AKT2: variants seen among roughly 807,000 people sequenced by gnomAD.
AKT2 encodes AKT serine/threonine kinase 2, also known as RAC-beta serine/threonine-protein kinase.
A neutral mutation model predicts 58.6 loss-of-function variants in AKT2; 16 were observed. The observed-to-expected ratio is 0.27, with a 90% confidence interval of 0.18 to 0.41. The LOEUF is 0.41. Ranked by LOEUF, AKT2 falls within the 10% of genes least tolerant of loss-of-function variation. The probability of loss-of-function intolerance (pLI) is 1.00; values close to 1 mark genes in which losing one functional copy is unlikely to be tolerated. For missense variants in AKT2, 438 were observed against 661.0 expected, an observed-to-expected ratio of 0.66 and a Z score of 3.70; for synonymous variants, 253 against 254.0, an observed-to-expected ratio of 1.00 and a Z score of 0.04.
chr19:40,274,676 G>A (rs2077276618), intron 1 of AKT2: 1 of 251,472 alleles, frequency 4.0e-6, no homozygotes, highest in African/African-American at 2.2e-5. Flanking sequence ...ACCGGAAGCA[G>A]GTGAGAGAGC....
At chr19:40,240,416 C>T (rs1974322720) in intron 6 of AKT2, 5 of 583,882 alleles carry the variant, frequency 8.6e-6, no homozygotes, top group Non-Finnish European at 1.6e-5. Flanking sequence ...TCACGAGAGC[C>T]CCGAGGTGCC....
At chr19:40,263,063 C>G (rs1467660894) in intron 2 of AKT2, among the ~76,000 whole-genome samples, 2 of 152,226 alleles carry the variant, frequency 1.3e-5, no homozygotes, top group Non-Finnish European at 2.9e-5. Context: ...AGAGGCAGGC[C>G]TGTGGCTGGG....
At chr19:40,277,987 C>A (rs968002217) in intron 1 of AKT2, among the ~76,000 whole-genome samples, 6 of 152,188 alleles carry the variant, frequency 3.9e-5, no homozygotes, top group Admixed American at 3.9e-4. Flanking sequence ...ATCTCTTCCC[C>A]CTGGGCCCCC....
At chr19:40,258,254 A>C (rs936699661) in intron 2 of AKT2, among the ~76,000 whole-genome samples, 6 of 151,028 alleles carry the variant, frequency 4.0e-5, no homozygotes, top group Admixed American at 1.3e-4. Flanking sequence ...CGAAAAAAAA[A>C]AAAAAAAAAC....
chr19:40,245,148 T>C (rs2145223540), intron 4 of AKT2, among the ~76,000 whole-genome samples: 1 of 152,284 alleles, frequency 6.6e-6, no homozygotes, highest in South Asian at 2.1e-4. Flanking sequence ...AGAATGCCTG[T>C]GAGGCATCTG....
chr19:40,242,125 G>A lies in AKT2; in HGVS notation c.442-56C>T, dbSNP rs946738100. ...AGCGCCTGGCTCATGGCCCGTGGGA[G>A]GAAATTTTAACAAAAGAAAGAGGAA... On this transcript the variant is annotated intron_variant, in intron 5 of 13. Coordinates refer to ENST00000392038, the MANE Select transcript of AKT2 (RefSeq NM_001626.6). The surrounding 1 kb of genome is among the most constrained non-coding windows in gnomAD (Gnocchi z 4.3). The A allele has an allele frequency of 3.1e-6, 5 of 1,611,268 alleles. No individual in the cohort carries two copies. The African/African-American group carries it at 4.0e-5, about 13-fold the overall frequency.
Position 40,235,516 on chromosome 19 carries a change from G to T in AKT2, c.1176-166C>A, listed in dbSNP as rs758956690. On this transcript the variant is annotated intron_variant, in intron 11 of 13. Coordinates refer to ENST00000392038, the MANE Select transcript of AKT2 (RefSeq NM_001626.6). This position sits in a 1 kb window ranked among gnomAD's most constrained non-coding sequence, Gnocchi z 6.3. ...CTCAGGGAGGGAGCTCACGTGCCCA[G>T]GGTCAGAGCCAGGGAGTCAGCAACC... is the stretch of plus-strand genomic sequence containing the variant. 2.7e-6 allele frequency: 2 copies of T among 729,270 alleles called. No homozygotes were observed. Among genetic ancestry groups the T allele is most frequent in the South Asian group, 3.1e-5 (2 of 63,846 alleles). The allele number at this position is 729,270 out of a possible 1,614,324, so 45.2% of individuals were successfully genotyped here.
At chr19:40,250,325 G>A (rs1406151912) in intron 4 of AKT2, among the ~76,000 whole-genome samples, 1 of 151,682 alleles carries the variant, frequency 6.6e-6, no homozygotes, top group Non-Finnish European at 1.5e-5. Flanking sequence ...CAACATGAGA[G>A]AAACCCCATC....
intron 4 of AKT2, among the ~76,000 whole-genome samples, chr19:40,248,211 G>C (rs1416615140): frequency 6.6e-6 from 1 of 152,200 alleles, no homozygotes; most frequent in East Asian, 1.9e-4. Flanking sequence ...TGAGGCACTA[G>C]AGGGTCCTAT....
chr19:40,276,910 C>T (rs2145421737), intron 1 of AKT2, among the ~76,000 whole-genome samples: 1 of 152,218 alleles, frequency 6.6e-6, no homozygotes, highest in South Asian at 2.1e-4. Flanking sequence ...GTAGTCCCAG[C>T]TACTCAGAAG....
Position 40,285,283 on chromosome 19 carries a change from CG to C in AKT2, c.-188del. The C allele has an allele frequency of 2.5e-6, 1 of 395,120 alleles. No homozygotes were observed. Among genetic ancestry groups the C allele is most frequent in the South Asian group, 1.3e-4 (1 of 7,832 alleles). 24.5% of individuals were successfully genotyped at this position (395,120 alleles called of 1,614,324 possible). A position where few individuals can be genotyped will look rare whatever the true frequency, so the allele number is the denominator to read the frequency against. ...TTGTGTTTCCCGGCAGCGGCAACGGCGCCGGCAGCGGCAGCGGCGGCGGCGA... is the reference window on the plus strand; with the variant it reads ...TTGTGTTTCCCGGCAGCGGCAACGGCCCGGCAGCGGCAGCGGCGGCGGCGA... On this transcript the variant is annotated 5_prime_UTR_variant, in exon 1 of 14. Coordinates refer to ENST00000392038, the MANE Select transcript of AKT2 (RefSeq NM_001626.6).
At position 40,233,567 on chromosome 19, in the gene AKT2, C is replaced by T. The variant is rs779055975; in HGVS notation, c.*305G>A. On this transcript the variant is annotated 3_prime_UTR_variant, in exon 14 of 14. Transcript: ENST00000392038. The surrounding 1 kb of genome is among the most constrained non-coding windows in gnomAD (Gnocchi z 4.3). ...ACTCAGGCAGGCCCCAGGCGCCATG[C>T]TTCACCCCTCACTGGGGCTTGTGTG... 1 of 683,334 alleles carries T rather than the reference C, an allele frequency of 1.5e-6. No individual in the cohort carries two copies. Among genetic ancestry groups the T allele is most frequent in the South Asian group, 1.4e-5 (1 of 72,990 alleles). 42.3% of individuals were successfully genotyped at this position (683,334 alleles called of 1,614,324 possible).
At position 40,233,891 on chromosome 19, in the gene AKT2, G is replaced by A. The variant is rs766596535; in HGVS notation, c.1427C>T (p.Ser476Leu). ...GACTGCTCACTCGCGGATGCTGGCCGAGTAGGAGAACTGGGGGAAGTGGGT... is the reference window on the plus strand; with the variant it reads ...GACTGCTCACTCGCGGATGCTGGCCAAGTAGGAGAACTGGGGGAAGTGGGT... The part of the protein sequence containing the change: ...QRTHFPQFSY[S>L]ASIRE The change falls in exon 14 of 14, where the codon TCG (serine) becomes TTG (leucine). Residue 476 changes from serine (S) to leucine (L), a missense_variant. Coordinates refer to ENST00000392038, the MANE Select transcript of AKT2 (RefSeq NM_001626.6). This position sits in a 1 kb window ranked among gnomAD's most constrained non-coding sequence, Gnocchi z 4.3. 7 of 1,611,910 alleles carry A rather than the reference G, an allele frequency of 4.3e-6. No individual in the cohort carries two copies. The highest frequency in any genetic ancestry group is 1.7e-5 in the Admixed American group (1 of 60,010).
chr19:40,239,507 T>C (rs774122709), intron 7 of AKT2: 8 of 303,642 alleles, frequency 2.6e-5, no homozygotes, highest in East Asian at 9.0e-5. Context: ...AAGATTTTAT[T>C]TGAAAAAGTA....
chr19:40,271,752 T>G (rs1486006418), intron 1 of AKT2, among the ~76,000 whole-genome samples: 1 of 152,206 alleles, frequency 6.6e-6, no homozygotes, highest in Non-Finnish European at 1.5e-5. Context: ...AGAGAATCCC[T>G]GATGTGGGGA....
chr19:40,258,119 G>A (rs1975673010), intron 2 of AKT2, among the ~76,000 whole-genome samples: 1 of 151,868 alleles, frequency 6.6e-6, no homozygotes. Context: ...GGTGGTGCAT[G>A]CCTATAATCC....
chr19:40,245,879 G>A (rs1206635990), intron 4 of AKT2, among the ~76,000 whole-genome samples: 1 of 152,114 alleles, frequency 6.6e-6, no homozygotes, highest in African/African-American at 2.4e-5. Context: ...AGTCCAAGTG[G>A]CCCCAGGGCC....
chr19:40,239,159 GC>G (rs1000238272), intron 7 of AKT2, 186 bp from the exon 8 acceptor site: 6 of 586,630 alleles, frequency 1.0e-5, no homozygotes, highest in Non-Finnish European at 1.8e-5. Flanking sequence ...TGAAGGCATG[GC>G]TCTGCGGTAG....
intron 2 of AKT2, among the ~76,000 whole-genome samples, chr19:40,261,487 C>G (rs533470052): frequency 5.0e-4 from 75 of 150,972 alleles, no homozygotes; most frequent in Non-Finnish European, 8.7e-4. Context: ...GAGCCGAGAT[C>G]GCGCCACGGC....
Sources: gnomAD v4.1 joint callset for allele counts (sites outside exome capture counted in the v4.1 genomes callset) on GRCh38, gnomAD v4.1.1 for gene constraint, Gnocchi (gnomAD v3.1) non-coding constraint, MANE v1.5 for transcripts, NCBI Gene and HGNC (gene_info 2026-07-23, HGNC 2026-07-21) for gene names.